ARHGAP6: variants seen among roughly 807,000 people sequenced by gnomAD.
ARHGAP6 encodes rho GTPase-activating protein 6.
Under a neutral mutation model 55.7 loss-of-function variants are expected in ARHGAP6, and 16 were observed. The ratio of observed to expected loss-of-function variants is 0.29; its 90% CI spans 0.19 to 0.44. ARHGAP6 has a LOEUF of 0.44. Among genes scored for constraint, ARHGAP6 ranks in the 20% least tolerant of loss-of-function variants. The pLI is 1.00. For missense variants in ARHGAP6, 698 were observed against 808.9 expected, an observed-to-expected ratio of 0.86 and a Z score of 1.66; for synonymous variants, 382 against 360.9, an observed-to-expected ratio of 1.06 and a Z score of -0.66.
chrX:11,188,628 A>G, intron 4 of ARHGAP6, 100 bp downstream of exon 4: 1 of 1,083,609 alleles, frequency 9.2e-7, no homozygotes, highest in Non-Finnish European at 1.2e-6. Flanking sequence ...CCTGAACACC[A>G]ACTACATATC....
intron 2 of ARHGAP6, among the ~76,000 whole-genome samples, chrX:11,197,280 T>G (rs1172892988): frequency 4.5e-5 from 5 of 111,992 alleles, no homozygotes; most frequent in Non-Finnish European, 9.4e-5. Flanking sequence ...AGGTTTAATT[T>G]TACTATTATC....
chrX:11,323,883 A>AG (rs2048465714), intron 1 of ARHGAP6, among the ~76,000 whole-genome samples: 1 of 108,421 alleles, frequency 9.2e-6, no homozygotes, highest in Admixed American at 9.9e-5. Flanking sequence ...AAAAAAAAAA[A>AG]AAAAGAAAAA....
chrX:11,490,113 C>T (rs1340273958), intron 1 of ARHGAP6, among the ~76,000 whole-genome samples: 1 of 111,422 alleles, frequency 9.0e-6, no homozygotes, highest in Non-Finnish European at 1.9e-5. Flanking sequence ...ATCCCTTCCC[C>T]TTGAGTGTGG....
intron 1 of ARHGAP6, among the ~76,000 whole-genome samples, chrX:11,392,328 C>T (rs1275351389): frequency 9.0e-6 from 1 of 111,453 alleles, no homozygotes; most frequent in East Asian, 2.8e-4. Flanking sequence ...CTCCTATGTA[C>T]CATTCCCAAC....
At chrX:11,176,249 A>ATT (rs1173181019) in intron 8 of ARHGAP6, among the ~76,000 whole-genome samples, 6 of 67,957 alleles carry the variant, frequency 8.8e-5, no homozygotes, top group African/African-American at 2.9e-4. Flanking sequence ...ATATATATAT[A>ATT]TATATATATA....
In ARHGAP6 at chrX:11,518,013, A is replaced by G. The variant is rs924532178; in HGVS notation, c.588+146228T>C. 9.8e-5 allele frequency among the ~76,000 whole-genome samples: 11 copies of G among 112,010 alleles called. No individual in the cohort carries two copies. In the East Asian group the frequency reaches 1.1e-3, roughly 11 times the overall value. ...AACTTTAAAAAATTAAAAATAAAAT[A>G]ATCATGCAACATCCCAGCCCCAAAT... On this transcript the variant is annotated intron_variant, in intron 1 of 12. Transcript: ENST00000337414.
intron 2 of ARHGAP6, among the ~76,000 whole-genome samples, chrX:11,200,426 G>C (rs1184903817): frequency 8.9e-6 from 1 of 112,384 alleles, no homozygotes; most frequent in Non-Finnish European, 1.9e-5. Flanking sequence ...AAGGCAGCAA[G>C]CTTTCCACAT....
intron 11 of ARHGAP6, 172 bp downstream of exon 11, chrX:11,143,808 C>A: frequency 8.6e-7 from 1 of 1,156,339 alleles, no homozygotes. Flanking sequence ...GCCATACCTT[C>A]CTCTTCCTAG....
At chrX:11,482,525 C>G (rs1423133951) in intron 1 of ARHGAP6, among the ~76,000 whole-genome samples, 2 of 111,417 alleles carry the variant, frequency 1.8e-5, no homozygotes, top group Non-Finnish European at 3.8e-5. Context: ...GGGCCACCTT[C>G]CTTGTGCTCA....
intron 8 of ARHGAP6, 91 bp from the exon 9 acceptor site, chrX:11,169,775 T>G (rs1255870752): frequency 1.8e-6 from 1 of 542,284 alleles, no homozygotes; most frequent in Admixed American, 4.9e-5. Context: ...TTACTCTCCT[T>G]TTTTTTTTTT....
intron 1 of ARHGAP6, among the ~76,000 whole-genome samples, chrX:11,297,278 T>G (rs779776463): frequency 8.9e-6 from 1 of 112,055 alleles, no homozygotes; most frequent in South Asian, 3.7e-4. Context: ...CTAAGTGGTA[T>G]AGGAGAGACT....
At chrX:11,477,081 T>G (rs1243113297) in intron 1 of ARHGAP6, among the ~76,000 whole-genome samples, 1 of 109,641 alleles carries the variant, frequency 9.1e-6, no homozygotes, top group East Asian at 2.8e-4. Context: ...ATCAGACAAG[T>G]GACTTGTTTC....
rs1279561358 is a variant in ARHGAP6, at chrX:11,568,987, T to C, written c.588+95254A>G. ...CTAGGCCCAGCAGGACAGAAGGTACTTAGTGATGAAAAAGCTCAGAGCTAG... is the reference window on the plus strand; with the variant it reads ...CTAGGCCCAGCAGGACAGAAGGTACCTAGTGATGAAAAAGCTCAGAGCTAG... On this transcript the variant is annotated intron_variant, in intron 1 of 12. Transcript: ENST00000337414. 5.4e-5 allele frequency among the ~76,000 whole-genome samples: 6 copies of C among 111,853 alleles called. No homozygotes were observed. The Admixed American group carries it at 5.7e-4, about 11-fold the overall frequency.
chrX:11,285,991 T>C (rs1036961184), intron 1 of ARHGAP6, among the ~76,000 whole-genome samples: 2 of 111,738 alleles, frequency 1.8e-5, no homozygotes, highest in African/African-American at 6.5e-5. Flanking sequence ...GGGGTGTTTA[T>C]AGTCTGCAGA....
intron 11 of ARHGAP6, chrX:11,143,615 G>T: frequency 1.0e-6 from 1 of 962,059 alleles, no homozygotes; most frequent in Non-Finnish European, 1.3e-6. Context: ...AGCAGTAATT[G>T]GGTGGCACCT....
chrX:11,428,670 C>A (rs5935061), intron 1 of ARHGAP6, among the ~76,000 whole-genome samples: 3,854 of 111,433 alleles, frequency 0.035, 65 homozygotes, highest in Middle Eastern at 0.092. Context: ...TGTACTGAAC[C>A]GGCTGAATGA....
chrX:11,520,130 T>TA (rs2050898619), intron 1 of ARHGAP6, among the ~76,000 whole-genome samples: 6 of 57,352 alleles, frequency 1.0e-4, no homozygotes, highest in African/African-American at 2.2e-4. Flanking sequence ...GAGAATTGAT[T>TA]TTATATATAT....
chrX:11,563,048 T>C (rs182154103), intron 1 of ARHGAP6, among the ~76,000 whole-genome samples: 1 of 111,738 alleles, frequency 8.9e-6, no homozygotes, highest in African/African-American at 3.2e-5. Context: ...ATAAAAGTTT[T>C]TTTAAAAGAG....
At position 11,138,928 on chromosome X, in the gene ARHGAP6, G is replaced by A. The variant is rs960794139; in HGVS notation, c.2860C>T (p.Arg954Cys). The change falls in exon 13 of 13, where the codon CGC (arginine) becomes TGC (cysteine). Residue 954 changes from arginine (R) to cysteine (C), a missense_variant. Arg to Cys is a radical substitution (Grantham distance 180, BLOSUM62 -3). Around this residue, in one of 3 missense-constraint regions of ARHGAP6, gnomAD observed 212 missense variants for 208.7 expected, o/e 1.02. Transcript: ENST00000337414. ...DAGWLDWQRE[R>C]WQIWELLSTD... The stretch of plus-strand genomic sequence containing the variant: ...GACAGGAGCTCCCAGATCTGCCAGC[G>A]CTCTCTCTGCCAGTCGAGCCAGCCA... The A allele has an allele frequency of 5.9e-6, 7 of 1,187,750 alleles. No individual in the cohort carries two copies. The highest frequency in any genetic ancestry group is 6.8e-6 in the Non-Finnish European group (6 of 887,545).
Sources: allele counts gnomAD v4.1 joint callset (sites outside exome capture counted in the v4.1 genomes callset), GRCh38; gene constraint gnomAD v4.1.1; regional missense constraint gnomAD v4.1.1; transcripts MANE v1.5; gene names NCBI Gene and HGNC (gene_info 2026-07-23, HGNC 2026-07-21).